The following ABR variants were observed in gnomAD, a reference collection of about 807,000 sequenced individuals.
The protein encoded by ABR is active breakpoint cluster region-related protein.
A neutral mutation model predicts 107.2 loss-of-function variants in ABR; 35 were observed. The ratio of observed to expected loss-of-function variants is 0.33; its 90% CI spans 0.25 to 0.43. The LOEUF is 0.43. Ranked by LOEUF, ABR falls within the 20% of genes least tolerant of loss-of-function variation. The pLI, the probability that ABR is intolerant of heterozygous loss-of-function variation, is 1.00. For missense variants in ABR, 815 were observed against 1,115.2 expected (o/e 0.73, Z 3.83); for synonymous variants, 498 against 462.0 (o/e 1.08, Z -1.00).
At chr17:1,155,661 A>G (rs552313457) in intron 1 of ABR, among the ~76,000 whole-genome samples, 4 of 152,162 alleles carry the variant, frequency 2.6e-5, no homozygotes, top group East Asian at 3.9e-4. Flanking sequence ...AAATCTTACA[A>G]CTCAACGATA....
chr17:1,136,684 T>C (rs2040079241), intron 1 of ABR, among the ~76,000 whole-genome samples: 1 of 152,234 alleles, frequency 6.6e-6, no homozygotes, highest in African/African-American at 2.4e-5. Flanking sequence ...AACAAATCTC[T>C]GCCAGCTTCA....
chr17:1,201,887 C>T (rs982170238), intron 1 of ABR, among the ~76,000 whole-genome samples: 11 of 152,276 alleles, frequency 7.2e-5, no homozygotes, highest in African/African-American at 2.6e-4. Flanking sequence ...CCGTGTTAGC[C>T]AGGATGCTCT....
At chr17:1,136,652 G>A (rs192386687) in intron 1 of ABR, among the ~76,000 whole-genome samples, 2 of 152,256 alleles carry the variant, frequency 1.3e-5, no homozygotes, top group Admixed American at 6.5e-5. Flanking sequence ...TATGAAAGCG[G>A]CTTCTTTCCT....
Position 1,079,196 on chromosome 17 carries a change from C to T in ABR, c.700+134G>A, listed in dbSNP as rs1210216822. ...CGCACTCAGCTCACACTCACACGCG[C>T]TCACACACGCTCACGCTCACACGCG... On this transcript the variant is annotated intron_variant, in intron 6 of 22. Transcript: ENST00000302538. 5 of 1,483,936 alleles carry T rather than the reference C, an allele frequency of 3.4e-6. No individual in the cohort carries two copies. In the East Asian group the frequency reaches 1.2e-4, roughly 37 times the overall value. 91.9% of individuals were successfully genotyped at this position (1,483,936 alleles called of 1,614,324 possible).
intron 1 of ABR, among the ~76,000 whole-genome samples, chr17:1,224,990 A>T (rs928198847): frequency 3.3e-5 from 5 of 152,012 alleles, no homozygotes. Flanking sequence ...TCTACTAAAA[A>T]TACAAAAAAT....
At chr17:1,032,660 G>GCAGAGGACGCCACGGGCAACCACCCGCGT (rs1473480086) in intron 16 of ABR, among the ~76,000 whole-genome samples, 9 of 149,060 alleles carry the variant, frequency 6.0e-5, no homozygotes, top group African/African-American at 2.2e-4. Flanking sequence ...CGTGCTGGGC[G>GCAGAGGACGCCACGGGCAACCACCCGCGT]CCTTGAGAGA....
In ABR at chr17:1,150,388, G is replaced by A. The variant is rs113124120; in HGVS notation, c.62-25021C>T. Reference sequence around the variant, plus strand: ...GCACTTGCTGTGTGCTGGGAGTTGCGGTAGACACTGTCCTGTATGATTCCA... The same window carrying A: ...GCACTTGCTGTGTGCTGGGAGTTGCAGTAGACACTGTCCTGTATGATTCCA... On this transcript the variant is annotated intron_variant, in intron 1 of 22. Coordinates refer to ENST00000302538, the MANE Select transcript of ABR (RefSeq NM_021962.5). This position sits in a 1 kb window ranked among gnomAD's most constrained non-coding sequence, Gnocchi z 4.8. 7.3e-3 allele frequency among the ~76,000 whole-genome samples: 1,112 copies of A among 152,244 alleles called. 15 individuals are homozygous for A. Among genetic ancestry groups the A allele is most frequent in the African/African-American group, 0.026 (1,065 of 41,518 alleles).
At chr17:1,141,945 G>A (rs999572419) in intron 1 of ABR, among the ~76,000 whole-genome samples, 1 of 151,868 alleles carries the variant, frequency 6.6e-6, no homozygotes, top group African/African-American at 2.4e-5. Flanking sequence ...TTTAGTAGAG[G>A]TAGGGTTTCA....
intron 1 of ABR, among the ~76,000 whole-genome samples, chr17:1,127,384 CCA>C (rs2039647793): frequency 6.6e-6 from 1 of 152,182 alleles, no homozygotes; most frequent in African/African-American, 2.4e-5. Flanking sequence ...GACATAAGGC[CCA>C]GTGCCCTGGA....
At chr17:1,057,139 C>T in intron 12 of ABR, 37 bp from the exon 13 acceptor site, 2 of 1,436,298 alleles carry the variant, frequency 1.4e-6, no homozygotes, top group Non-Finnish European at 2.0e-6. Context: ...AGCGTGGGCA[C>T]TGGTCCACCA....
rs1006999165 is a variant in ABR at position 1,179,247 on chromosome 17, C to T, written c.61+420G>A. ...CGGGTGCCAACGACTGCTCCCAAAA[C>T]GGCCTTTCGGCTTCAGCCTGGACAG... is the stretch of plus-strand genomic sequence containing the variant. On this transcript the variant is annotated intron_variant, in intron 1 of 22. Coordinates refer to ENST00000302538, the MANE Select transcript of ABR (RefSeq NM_021962.5). This position sits in a 1 kb window ranked among gnomAD's most constrained non-coding sequence, Gnocchi z 4.9. Among the ~76,000 whole-genome samples the T allele has an allele frequency of 2.0e-5, 3 of 151,896 alleles. No individual in the cohort carries two copies. Among genetic ancestry groups the T allele is most frequent in the Non-Finnish European group, 4.4e-5 (3 of 67,956 alleles).
chr17:1,226,344 TGTGTGCACACATGTATGTGGCA>T (rs1290637091), intron 1 of ABR, among the ~76,000 whole-genome samples: 1 of 152,296 alleles, frequency 6.6e-6, no homozygotes, highest in East Asian at 1.9e-4. Context: ...TCCTAGATTG[TGTGTGCACACATGTATGTGGCA>T]GTGTGCACAT....
intron 1 of ABR, among the ~76,000 whole-genome samples, chr17:1,223,840 G>A (rs1345085777): frequency 2.0e-5 from 3 of 152,090 alleles, no homozygotes; most frequent in Non-Finnish European, 4.4e-5. Context: ...AACTCCCCTC[G>A]TGATCAGGAC....
chr17:1,188,876 T>G (rs1279145776), upstream of ABR, among the ~76,000 whole-genome samples: 1 of 152,140 alleles, frequency 6.6e-6, no homozygotes, highest in African/African-American at 2.4e-5. Flanking sequence ...TGGCTGCCCC[T>G]CCCAGAAGCC....
At chr17:1,113,007 A>ATTT (rs1451111289) in intron 2 of ABR, among the ~76,000 whole-genome samples, 7,978 of 137,394 alleles carry the variant, frequency 0.058, 582 homozygotes, top group Middle Eastern at 0.11. Flanking sequence ...ATCAGCAAGC[A>ATTT]GTTGTTAACC....
upstream of ABR, among the ~76,000 whole-genome samples, chr17:1,191,354 CTTTTTTTTTTT>C (rs761910557): frequency 3.1e-5 from 3 of 96,484 alleles, no homozygotes; most frequent in South Asian, 1.1e-3. Context: ...TTTTTCTTTT[CTTTTTTTTTTT>C]TTTTTTTTTT....
chr17:1,056,779 A>G (rs771370079), intron 13 of ABR, among the ~76,000 whole-genome samples: 16 of 152,150 alleles, frequency 1.1e-4, no homozygotes, highest in Non-Finnish European at 1.8e-4. Flanking sequence ...AGTTCTCCCA[A>G]GCCAGACAGA....
chr17:1,204,897 TTTTC>T (rs1555620592), intron 1 of ABR, among the ~76,000 whole-genome samples: 8,306 of 31,016 alleles, frequency 0.27, 692 homozygotes, highest in East Asian at 0.55. Flanking sequence ...TTCTTTTTCT[TTTTC>T]TTTTTTTTTT....
At chr17:1,151,552 G>C (rs141862052) in intron 1 of ABR, among the ~76,000 whole-genome samples, 125 of 152,286 alleles carry the variant, frequency 8.2e-4, no homozygotes, top group African/African-American at 2.9e-3. Context: ...CCTCAAAGCC[G>C]CGTTCTTCCC....
Sources: allele counts gnomAD v4.1 joint callset (sites outside exome capture counted in the v4.1 genomes callset), GRCh38; gene constraint gnomAD v4.1.1; non-coding constraint Gnocchi (gnomAD v3.1); transcripts MANE v1.5; gene names NCBI Gene and HGNC (gene_info 2026-07-23, HGNC 2026-07-21).